The following MTOR variants were observed in gnomAD, a reference collection of about 807,000 sequenced individuals.
MTOR encodes the protein mechanistic target of rapamycin kinase.
In MTOR, 70 loss-of-function variants were observed where a neutral mutation model predicts 319.8. That is an observed-to-expected ratio of 0.22 (90% CI 0.18 to 0.27). MTOR has a LOEUF of 0.27. Ranked by LOEUF, MTOR falls within the 10% of genes least tolerant of loss-of-function variation. The pLI, the probability that MTOR is intolerant of heterozygous loss-of-function variation, is 1.00. For missense variants in MTOR, 1,890 were observed against 3,274.4 expected (o/e 0.58, Z 10.32); for synonymous variants, 1,183 against 1,211.4 (o/e 0.98, Z 0.49).
intron 47 of MTOR, among the ~76,000 whole-genome samples, chr1:11,124,122 G>A (rs1163710067): frequency 2.0e-5 from 3 of 152,054 alleles, no homozygotes; most frequent in Non-Finnish European, 4.4e-5. Flanking sequence ...TAGTGATGGG[G>A]TCTCTCTATG....
At chr1:11,126,824 G>C in intron 45 of MTOR, 28 bp from the exon 46 acceptor site, 1 of 1,607,296 alleles carries the variant, frequency 6.2e-7, no homozygotes, top group Non-Finnish European at 8.5e-7. Context: ...AGGATTTAGT[G>C]TTCTGCCTCC....
At chr1:11,166,528 T>C (rs1234750669) in intron 29 of MTOR, among the ~76,000 whole-genome samples, 2 of 151,942 alleles carry the variant, frequency 1.3e-5, no homozygotes, top group Non-Finnish European at 2.9e-5. Context: ...GAAATGCAAA[T>C]CAAAACCACA....
In MTOR at chr1:11,146,711, C is replaced by A; in HGVS notation, c.4651G>T (p.Ala1551Ser). ...AAGGAGAAGAGGTCCTGATGCAGTGCCAGCACAGCTCTATAAAATGCCCCA... is the reference window on the plus strand; with the variant it reads ...AAGGAGAAGAGGTCCTGATGCAGTGACAGCACAGCTCTATAAAATGCCCCA... ...HDGAFYRAVLALHQDLFSLAQ... is the reference protein window; with the variant it reads ...HDGAFYRAVLSLHQDLFSLAQ... Residue 1551 changes from alanine (A) to serine (S), a missense_variant, in exon 32 of 58, where the codon GCA becomes TCA. Physicochemically the swap from Ala to Ser is moderately conservative, Grantham distance 99. This residue lies in a region of MTOR where 276 missense variants were observed against 459.4 expected (regional missense o/e 0.60). Transcript: ENST00000361445. 1.9e-6 allele frequency: 3 copies of A among 1,614,078 alleles called. No homozygotes were observed. The highest frequency in any genetic ancestry group is 2.5e-6 in the Non-Finnish European group (3 of 1,180,008).
chr1:11,257,797 C>CCAGT (rs1650610327), intron 3 of MTOR, among the ~76,000 whole-genome samples: 2 of 152,014 alleles, frequency 1.3e-5, no homozygotes. Context: ...GGACTGATGA[C>CCAGT]CAGTCCTTAG....
At chr1:11,165,816 G>C (rs1644624970) in intron 29 of MTOR, among the ~76,000 whole-genome samples, 1 of 152,154 alleles carries the variant, frequency 6.6e-6, no homozygotes, top group Non-Finnish European at 1.5e-5. Flanking sequence ...AACAAAGCTG[G>C]AGGCATCACG....
intron 13 of MTOR, among the ~76,000 whole-genome samples, chr1:11,236,055 T>G (rs1284760090): frequency 1.3e-5 from 2 of 151,824 alleles, no homozygotes; most frequent in Non-Finnish European, 2.9e-5. Flanking sequence ...CAGCAGTACC[T>G]GGAACATAGC....
chr1:11,147,581 A>G (rs1270686105), intron 31 of MTOR, among the ~76,000 whole-genome samples: 2 of 152,150 alleles, frequency 1.3e-5, no homozygotes, highest in Non-Finnish European at 2.9e-5. Context: ...TCCATTCTCT[A>G]TGCCTCTGGG....
intron 54 of MTOR, chr1:11,111,662 TC>T (rs1020208174): frequency 6.5e-6 from 1 of 153,954 alleles, no homozygotes; most frequent in African/African-American, 2.4e-5. Flanking sequence ...TCTCCTGCTC[TC>T]TGACTATTTC....
Position 11,129,793 on chromosome 1 carries a change from C to T in MTOR, c.5659G>A (p.Gly1887Ser), listed in dbSNP as rs1238056510. The change falls in exon 40 of 58, where the codon GGC becomes AGC. Residue 1887 changes from glycine (G) to serine (S), a missense_variant. Physicochemically the swap from Gly to Ser is moderately conservative, Grantham distance 56 (BLOSUM62 0). This residue lies in a region of MTOR where 249 missense variants were observed against 596.2 expected (regional missense o/e 0.42). Transcript: ENST00000361445. This position sits in a 1 kb window ranked among gnomAD's most constrained non-coding sequence, Gnocchi z 4.7. ...GACAAGGAGATGGAACGGAAGAAGC[C>T]CTGGACGGCAGGCACCGTGTACATC... is the stretch of plus-strand genomic sequence containing the variant. ...LLMYTVPAVQ[G>S]FFRSISLSRG... 6.2e-7 allele frequency: 1 copy of T among 1,614,038 alleles called. No individual in the cohort carries two copies. The highest frequency in any genetic ancestry group is 1.3e-5 in the African/African-American group (1 of 74,920).
chr1:11,128,632 T>G lies in MTOR; in HGVS notation c.5812-80A>C. The stretch of plus-strand genomic sequence containing the variant: ...TTCTTCTAGGCAAAGATCAATTCTT[T>G]TAACTTGTTTCGGTTGATGCTCTGA... On this transcript the variant is annotated intron_variant, in intron 41 of 57. Coordinates refer to ENST00000361445, the MANE Select transcript of MTOR (RefSeq NM_004958.4). This position sits in a 1 kb window ranked among gnomAD's most constrained non-coding sequence, Gnocchi z 5.3. The G allele has an allele frequency of 7.1e-7, 1 of 1,407,964 alleles. No homozygotes were observed. The highest frequency in any genetic ancestry group is 2.3e-5 in the East Asian group (1 of 43,550). The allele number at this position is 1,407,964 out of a possible 1,614,324, so 87.2% of individuals were successfully genotyped here. A position where few individuals can be genotyped will look rare whatever the true frequency, so the allele number is the denominator to read the frequency against.
intron 23 of MTOR, 147 bp from the exon 24 acceptor site, chr1:11,211,053 T>C (rs1646296779): frequency 1.7e-6 from 1 of 601,212 alleles, no homozygotes; most frequent in South Asian, 2.1e-5. Context: ...CTTCTTCCCA[T>C]CTCCCGTTAT....
intron 36 of MTOR, among the ~76,000 whole-genome samples, chr1:11,136,328 A>G (rs1643415227): frequency 6.6e-6 from 1 of 152,224 alleles, no homozygotes; most frequent in Admixed American, 6.5e-5. Context: ...TCCATGCATG[A>G]GGACAGGGCA....
At chr1:11,200,719 T>A (rs1186944020) in intron 26 of MTOR, among the ~76,000 whole-genome samples, 3 of 152,118 alleles carry the variant, frequency 2.0e-5, no homozygotes, top group African/African-American at 7.2e-5. Context: ...AAGTCTGTTA[T>A]AAATTTAAAA....
Position 11,212,690 on chromosome 1 carries a change from G to T in MTOR, c.3398+106C>A. The T allele has an allele frequency of 8.6e-7, 1 of 1,168,694 alleles. No homozygotes were observed. The highest frequency in any genetic ancestry group is 1.2e-6 in the Non-Finnish European group (1 of 804,064). The allele number at this position is 1,168,694 out of a possible 1,614,324, so 72.4% of individuals were successfully genotyped here. ...TTTCTAGACTAAAATAATGTGAGTT[G>T]AAATAACAAAAAAAATAGAAAGATG... On this transcript the variant is annotated intron_variant, in intron 22 of 57. Transcript: ENST00000361445. The surrounding 1 kb of genome is among the most constrained non-coding windows in gnomAD (Gnocchi z 4.1).
At chr1:11,152,214 A>G (rs1644172384) in intron 30 of MTOR, 1 of 152,234 alleles carries the variant, frequency 6.6e-6, no homozygotes, top group African/African-American at 2.4e-5. Flanking sequence ...AATAAAAAAC[A>G]TGAGATTGTT....
At position 11,228,845 on chromosome 1, in the gene MTOR, G is replaced by A. The variant is rs757553198; in HGVS notation, c.2853C>T (p.Ser951=). 6.2e-7 allele frequency: 1 copy of A among 1,614,140 alleles called. No homozygotes were observed. The highest frequency in any genetic ancestry group is 1.1e-5 in the South Asian group (1 of 91,084). ...GGAAGATCCGCATCAGGGCCACCAT[G>A]GACACAGCTGGGTAGAACTCATCCA... is the stretch of plus-strand genomic sequence containing the variant. ...LPLDEFYPAV[S]MVALMRIFRD... Residue 951 remains serine (S), a synonymous_variant, in exon 19 of 58, where the codon TCC becomes TCT. Coordinates refer to ENST00000361445, the MANE Select transcript of MTOR (RefSeq NM_004958.4).
At chr1:11,145,298 G>A in intron 32 of MTOR, 2 of 496,886 alleles carry the variant, frequency 4.0e-6, no homozygotes, top group East Asian at 3.4e-5. Context: ...CAAAATCTTA[G>A]GTGGCAAGGG....
Position 11,128,346 on chromosome 1 carries a change from G to A in MTOR, c.5910+108C>T. ...TGGACAGACCCTCCTGGGCCAGGAT[G>A]GAACACATGGCTCCCAGTTCCTGCG... On this transcript the variant is annotated intron_variant, in intron 42 of 57. Coordinates refer to ENST00000361445, the MANE Select transcript of MTOR (RefSeq NM_004958.4). This position sits in a 1 kb window ranked among gnomAD's most constrained non-coding sequence, Gnocchi z 5.3. 1.5e-6 allele frequency: 2 copies of A among 1,295,920 alleles called. No homozygotes were observed. The highest frequency in any genetic ancestry group is 2.2e-6 in the Non-Finnish European group (2 of 911,338). The allele number at this position is 1,295,920 out of a possible 1,614,324, so 80.3% of individuals were successfully genotyped here.
chr1:11,205,475 T>C (rs1646107610), intron 25 of MTOR, among the ~76,000 whole-genome samples: 1 of 152,234 alleles, frequency 6.6e-6, no homozygotes, highest in Non-Finnish European at 1.5e-5. Flanking sequence ...TTCTGCTTCC[T>C]GGGGTGTTTT....
Sources: gnomAD v4.1 joint callset for allele counts (sites outside exome capture counted in the v4.1 genomes callset) on GRCh38, gnomAD v4.1.1 for gene constraint, gnomAD v4.1.1 regional missense constraint, Gnocchi (gnomAD v3.1) non-coding constraint, MANE v1.5 for transcripts, NCBI Gene and HGNC (gene_info 2026-07-23, HGNC 2026-07-21) for gene names.